ZNF630: variants seen among roughly 807,000 people sequenced by gnomAD.
The protein encoded by ZNF630 is dJ54B20.2 (novel KRAB box containing C2H2 type zinc finger protein).
A neutral mutation model predicts 7.2 loss-of-function variants in ZNF630; 5 were observed. The observed-to-expected ratio is 0.70, with a 90% CI of 0.36 to 1.46. The LOEUF is 1.46. Among genes scored for constraint, ZNF630 ranks in the 40% most tolerant of loss-of-function variants. The probability of loss-of-function intolerance (pLI) is 0.03; values close to 1 mark genes in which losing one functional copy is unlikely to be tolerated. For synonymous variants in ZNF630, 158 were observed against 162.8 expected (o/e 0.97, Z 0.23); for missense variants, 461 against 477.0 (o/e 0.97, Z 0.31).
rs184049994 is a variant in ZNF630, at chrX:48,063,970, T to C, written c.15+2902A>G. Among the ~76,000 whole-genome samples the C allele has an allele frequency of 2.3e-3, 260 of 111,441 alleles. 2 individuals are homozygous for C. The highest frequency in any genetic ancestry group is 8.1e-3 in the African/African-American group (247 of 30,538). On this transcript the variant is annotated intron_variant, in intron 2 of 4. Coordinates refer to ENST00000276054, the MANE Select transcript of ZNF630 (RefSeq NM_001282201.2). ...GCCTCTGACCTAGCACACTCATGTC[T>C]GAGAATGTGGCCTACACAAATACTT...
At chrX:48,061,831 C>A in intron 2 of ZNF630, 1 of 313,572 alleles carries the variant, frequency 3.2e-6, no homozygotes, top group Non-Finnish European at 6.1e-6. Context: ...GAGGCTTCCC[C>A]ACCCCCGTGG....
intron 2 of ZNF630, among the ~76,000 whole-genome samples, chrX:48,065,638 G>A (rs962153713): frequency 1.2e-4 from 13 of 107,097 alleles, no homozygotes; most frequent in Middle Eastern, 9.7e-3. Flanking sequence ...AGCGGATATC[G>A]TGCCATTGCA....
Position 48,057,922 on chromosome X carries a change from G to T in ZNF630, c.*546C>A, listed in dbSNP as rs1467566300. 4.6e-5 allele frequency among the ~76,000 whole-genome samples: 5 copies of T among 109,809 alleles called. No homozygotes were observed. The highest frequency in any genetic ancestry group is 1.7e-4 in the African/African-American group (5 of 29,992). ...AATACAAAAATTAGCCGGGCCTGGT[G>T]GTGCATGCCTATAATCCCAGCTACT... On this transcript the variant is annotated 3_prime_UTR_variant, in exon 5 of 5. Coordinates refer to ENST00000276054, the MANE Select transcript of ZNF630 (RefSeq NM_001282201.2).
chrX:48,064,136 T>C (rs1356209473), intron 2 of ZNF630, among the ~76,000 whole-genome samples: 1 of 110,777 alleles, frequency 9.0e-6, no homozygotes, highest in African/African-American at 3.3e-5. Flanking sequence ...CAATGGTACC[T>C]AGCACAGAGG....
intron 1 of ZNF630, among the ~76,000 whole-genome samples, chrX:48,067,927 G>A (rs934011551): frequency 9.1e-6 from 1 of 110,429 alleles, no homozygotes; most frequent in Non-Finnish European, 1.9e-5. Context: ...CAGGCGTAGT[G>A]GTGGGCGCCT....
At chrX:48,066,356 G>C (rs2059131539) in intron 2 of ZNF630, 1 of 108,370 alleles carries the variant, frequency 9.2e-6, no homozygotes, top group South Asian at 3.9e-4. Flanking sequence ...AATTGGAAGA[G>C]CAGAGAAGGA....
rs2059080043 is a variant in ZNF630, at chrX:48,058,463, C to T, written c.*5G>A. 1 of 1,153,160 alleles carries T rather than the reference C, an allele frequency of 8.7e-7. No homozygotes were observed. Among genetic ancestry groups the T allele is most frequent in the Non-Finnish European group, 1.2e-6 (1 of 868,264 alleles). On this transcript the variant is annotated 3_prime_UTR_variant, in exon 5 of 5. Transcript: ENST00000276054. ...ACTGACTTCTGGGAATAGGCCTTCC[C>T]ACAATCAGCATATATACAAGGTGTC...
Position 48,059,573 on chromosome X carries a change from G to A in ZNF630, c.869C>T (p.Pro290Leu). 2 of 1,207,994 alleles carry A rather than the reference G, an allele frequency of 1.7e-6. No individual in the cohort carries two copies. Among genetic ancestry groups the A allele is most frequent in the East Asian group, 3.0e-5 (1 of 33,799 alleles). Residue 290 changes from proline to leucine, a missense_variant, in exon 5 of 5, where the codon CCA (proline) becomes CTA (leucine). By Grantham distance (98) the Pro-to-Leu change is moderately conservative (BLOSUM62 -3). Transcript: ENST00000276054. ...TTTCCTACAATCTCCACATACATAT[G>A]GTTTCTCTCCAGTATGAATTCTTTG... ...IHQRIHTGEK[P>L]YVCGDCRKAF...
Position 48,070,611 on chromosome X carries a change from TAAAAAA to T in ZNF630, c.-176+650_-176+655del, listed in dbSNP as rs782104749. The stretch of plus-strand genomic sequence containing the variant: ...CTGGGCGACAGAGTGAGACTTCGTC[TAAAAAA>T]AAAAAAAAAAAAAAAAATTCCTACA... On this transcript the variant is annotated intron_variant, in intron 1 of 4. Transcript: ENST00000276054. Among the ~76,000 whole-genome samples the T allele has an allele frequency of 4.1e-3, 269 of 65,912 alleles. 4 individuals are homozygous for T. Among genetic ancestry groups the T allele is most frequent in the African/African-American group, 0.015 (258 of 17,640 alleles). The allele number at this position is 65,912 out of a possible 115,157, so 57.2% of individuals were successfully genotyped here.
chrX:48,065,451 AAGAAAG>A (rs1410351069), intron 2 of ZNF630, among the ~76,000 whole-genome samples: 1 of 83,483 alleles, frequency 1.2e-5, no homozygotes, highest in African/African-American at 4.4e-5. Context: ...AAAAGAAAGA[AAGAAAG>A]AGAGAGAGAG....
chrX:48,058,658 C>T lies in ZNF630; in HGVS notation c.1784G>A (p.Arg595Lys), dbSNP rs377516683. 2.5e-6 allele frequency: 3 copies of T among 1,205,040 alleles called. No homozygotes were observed. Among genetic ancestry groups the T allele is most frequent in the Non-Finnish European group, 2.2e-6 (2 of 892,218 alleles). The change falls in exon 5 of 5, where the codon AGG (arginine) becomes AAG (lysine). Residue 595 changes from arginine to lysine, a missense_variant. By Grantham distance (26) the Arg-to-Lys change is conservative. Transcript: ENST00000276054. ...CTCAGCACATTCAGGGGTTTTCTCCCTAGGATGAGTTTTCTGATGTATAAT... is the reference window on the plus strand; with the variant it reads ...CTCAGCACATTCAGGGGTTTTCTCCTTAGGATGAGTTTTCTGATGTATAAT... ...PLIIHQKTHP[R>K]EKTPECAESG...
Position 48,071,440 on chromosome X carries a change from T to C in ZNF630, c.-349A>G, listed in dbSNP as rs2059159861. 9.0e-6 allele frequency: 1 copy of C among 111,363 alleles called. No homozygotes were observed. Among genetic ancestry groups the C allele is most frequent in the South Asian group, 3.8e-4 (1 of 2,654 alleles). 9.2% of individuals were successfully genotyped at this position (111,363 alleles called of 1,213,427 possible). A position where few individuals can be genotyped will look rare whatever the true frequency, so the allele number is the denominator to read the frequency against. ...AGCCGAGCTCTACCAGTAACAAAAA[T>C]GGCGTCATTCCGCCAGCGCCAGGAC... On this transcript the variant is annotated 5_prime_UTR_variant, in exon 1 of 5. Coordinates refer to ENST00000276054, the MANE Select transcript of ZNF630 (RefSeq NM_001282201.2).
chrX:48,070,015 G>A (rs782585373), intron 1 of ZNF630, among the ~76,000 whole-genome samples: 2 of 107,514 alleles, frequency 1.9e-5, no homozygotes, highest in Non-Finnish European at 3.9e-5. Flanking sequence ...CCGCCACCAC[G>A]CCCAGCTAAT....
chrX:48,060,276 CACACACACACAA>C, intron 4 of ZNF630, 73 bp from the exon 5 acceptor site: 3 of 556,398 alleles, frequency 5.4e-6, no homozygotes, highest in Non-Finnish European at 7.3e-6. Context: ...CACACACACA[CACACACACACAA>C]AACAGTTGGC....
chrX:48,060,976 C>T lies in ZNF630; in HGVS notation c.16-31G>A, dbSNP rs199752798. ...ACAGCACATTCCTGTACAATCTGCT[C>T]GTTCTGGTCATTTTTACCATAGCAG... On this transcript the variant is annotated intron_variant, in intron 2 of 4. Coordinates refer to ENST00000276054, the MANE Select transcript of ZNF630 (RefSeq NM_001282201.2). 3.9e-5 allele frequency: 45 copies of T among 1,157,680 alleles called. 2 individuals are homozygous for T. The African/African-American group carries it at 5.5e-4, about 14-fold the overall frequency.
chrX:48,058,741 T>A lies in ZNF630; in HGVS notation c.1701A>T (p.Gly567=). The A allele has an allele frequency of 2.5e-6, 3 of 1,207,333 alleles. No individual in the cohort carries two copies. Among genetic ancestry groups the A allele is most frequent in the Non-Finnish European group, 3.4e-6 (3 of 892,612 alleles). The change falls in exon 5 of 5, where the codon GGA becomes GGT. Residue 567 remains glycine (G), a synonymous_variant. Transcript: ENST00000276054. ...HLILHQRGHT[G]EKPYECSECG... ...ATTCACTACATTCATAGGGTTTCTC[T>A]CCAGTATGACCTCTCTGATGTAGAA...
intron 1 of ZNF630, among the ~76,000 whole-genome samples, chrX:48,069,000 G>A (rs1461786043): frequency 3.6e-5 from 4 of 111,100 alleles, no homozygotes; most frequent in Non-Finnish European, 7.5e-5. Context: ...AGTACTTTGG[G>A]AGGCCAAGGC....
At position 48,060,822 on chromosome X, in the gene ZNF630, C is replaced by T. The variant is rs782499467; in HGVS notation, c.139G>A (p.Val47Met). 2.8e-5 allele frequency: 34 copies of T among 1,194,978 alleles called. No homozygotes were observed. In the East Asian group the frequency reaches 8.7e-4, roughly 30 times the overall value. The change falls in exon 3 of 5, where the codon GTG becomes ATG. Residue 47 changes from valine to methionine, a missense_variant. Val to Met is a conservative substitution (Grantham distance 21). Coordinates refer to ENST00000276054, the MANE Select transcript of ZNF630 (RefSeq NM_001282201.2). ...TACACAGGGAATCTGCCCTTACCCA[C>T]GGAGACCAGGTGATTATAGGTCTCC... is the stretch of plus-strand genomic sequence containing the variant. ...MLETYNHLVSVGCSGIKPDVI... is the reference protein window; with the variant it reads ...MLETYNHLVSMGCSGIKPDVI...
At chrX:48,061,220 A>T (rs782818008) in intron 2 of ZNF630, among the ~76,000 whole-genome samples, 2 of 111,639 alleles carry the variant, frequency 1.8e-5, no homozygotes, top group Admixed American at 1.9e-4. Context: ...AAAAAAATTA[A>T]CTGGATTCCC....
Sources: gnomAD v4.1 joint callset for allele counts (sites outside exome capture counted in the v4.1 genomes callset) on GRCh38, gnomAD v4.1.1 for gene constraint, MANE v1.5 for transcripts, NCBI Gene and HGNC (gene_info 2026-07-23, HGNC 2026-07-21) for gene names.